The following ANK1 variants were observed in gnomAD, a reference collection of about 807,000 sequenced individuals.
ANK1 encodes the protein ankyrin-1.
A neutral mutation model predicts 210.4 loss-of-function variants in ANK1; 51 were observed. The ratio of observed to expected loss-of-function variants is 0.24; its 90% confidence interval spans 0.19 to 0.31. ANK1 has a LOEUF of 0.31. Among genes scored for constraint, ANK1 ranks in the 10% least tolerant of loss-of-function variants. The pLI, the probability that ANK1 is intolerant of heterozygous loss-of-function variation, is 1.00. For synonymous variants in ANK1, 967 were observed against 1,025.9 expected, an observed-to-expected ratio of 0.94 and a Z score of 1.10; for missense variants, 2,051 against 2,504.4, an observed-to-expected ratio of 0.82 and a Z score of 3.86.
At chr8:41,748,147 A>G (rs946467454) in intron 2 of ANK1, among the ~76,000 whole-genome samples, 1 of 152,172 alleles carries the variant, frequency 6.6e-6, no homozygotes, top group Non-Finnish European at 1.5e-5. Flanking sequence ...ACCTAGCTGC[A>G]TATCTGGTTT....
At position 41,672,860 on chromosome 8, in the gene ANK1, T is replaced by C; in HGVS notation, c.4590A>G (p.Ala1530=). Residue 1530 remains alanine (A), a synonymous_variant, in exon 38 of 43, where the codon GCA becomes GCG. Coordinates refer to ENST00000289734, the MANE Select transcript of ANK1 (RefSeq NM_000037.4). ...GGTCTGCACGTAGCGGAGAGGAAAG[T>C]GCACAGCCCAGGGAGGCAGGGGACA... The part of the protein sequence containing the change: ...ELLSPASLGC[A]LSSPLRADQY... The C allele has an allele frequency of 6.2e-7, 1 of 1,609,940 alleles. No individual in the cohort carries two copies. The highest frequency in any genetic ancestry group is 8.5e-7 in the Non-Finnish European group (1 of 1,179,914).
chr8:41,757,021 A>T (rs1458357950), intron 2 of ANK1, among the ~76,000 whole-genome samples: 2 of 152,342 alleles, frequency 1.3e-5, no homozygotes, highest in East Asian at 1.9e-4. Flanking sequence ...AAGGGTGGCC[A>T]CCAGGGGCTG....
At chr8:41,798,310 A>G (rs969723159), upstream of ANK1, among the ~76,000 whole-genome samples, 5 of 152,106 alleles carry the variant, frequency 3.3e-5, 1 homozygote, top group African/African-American at 1.2e-4. Flanking sequence ...TTAGTGGCCG[A>G]TTTGCAGGGA....
chr8:41,892,037 T>G (rs1226312726), intron 1 of ANK1, among the ~76,000 whole-genome samples: 1 of 152,214 alleles, frequency 6.6e-6, no homozygotes, highest in Non-Finnish European at 1.5e-5. Context: ...GTCGGCAATC[T>G]CTTGGATTGA....
chr8:41,667,367 G>A (rs759459940), intron 39 of ANK1, among the ~76,000 whole-genome samples: 30 of 152,174 alleles, frequency 2.0e-4, no homozygotes, highest in Non-Finnish European at 3.4e-4. Context: ...TGGATGAGGC[G>A]TGAAAACAGA....
At chr8:41,813,972 C>G (rs1802889091) in intron 1 of ANK1, among the ~76,000 whole-genome samples, 1 of 152,210 alleles carries the variant, frequency 6.6e-6, no homozygotes, top group African/African-American at 2.4e-5. Context: ...ACATTCCAGT[C>G]AAAGCATTGG....
At chr8:41,816,429 CAA>C (rs1363069591) in intron 1 of ANK1, among the ~76,000 whole-genome samples, 2 of 152,134 alleles carry the variant, frequency 1.3e-5, no homozygotes, top group Non-Finnish European at 2.9e-5. Flanking sequence ...TTTAATTAAA[CAA>C]ATAATATTCT....
chr8:41,847,249 T>C (rs539843187), intron 1 of ANK1, among the ~76,000 whole-genome samples: 1 of 152,336 alleles, frequency 6.6e-6, no homozygotes, highest in African/African-American at 2.4e-5. Flanking sequence ...CAGGCGGCTG[T>C]TGTCCAAGTG....
chr8:41,894,837 G>C (rs1325206862), intron 1 of ANK1, among the ~76,000 whole-genome samples: 1 of 152,032 alleles, frequency 6.6e-6, no homozygotes, highest in African/African-American at 2.4e-5. Flanking sequence ...CCCCAGCAGA[G>C]GGACCTGCGG....
At chr8:41,799,585 G>C (rs1312398533), upstream of ANK1, among the ~76,000 whole-genome samples, 2 of 152,200 alleles carry the variant, frequency 1.3e-5, no homozygotes, top group Non-Finnish European at 2.9e-5. Context: ...TGTAGGTAGA[G>C]AGTATAATTC....
At chr8:41,793,221 T>C (rs1412040580) in intron 1 of ANK1, among the ~76,000 whole-genome samples, 1 of 151,898 alleles carries the variant, frequency 6.6e-6, no homozygotes, top group Non-Finnish European at 1.5e-5. Context: ...CTACAAAAAA[T>C]ACAAAAATTA....
chr8:41,765,984 A>G (rs1841701996), intron 1 of ANK1, among the ~76,000 whole-genome samples: 2 of 152,202 alleles, frequency 1.3e-5, no homozygotes, highest in South Asian at 4.1e-4. Flanking sequence ...CCCTAGGACA[A>G]ATCATGACTG....
intron 12 of ANK1, 80 bp from the exon 13 acceptor site, chr8:41,717,131 C>T: frequency 6.7e-7 from 1 of 1,499,540 alleles, no homozygotes; most frequent in African/African-American, 1.4e-5. Flanking sequence ...GAAGTGCAGT[C>T]TGGAGTGGCT....
chr8:41,758,380 C>A (rs1315060584), intron 1 of ANK1, among the ~76,000 whole-genome samples: 1 of 152,186 alleles, frequency 6.6e-6, no homozygotes, highest in African/African-American at 2.4e-5. Flanking sequence ...TGTTGCTCTG[C>A]CACTCAGGCT....
intron 4 of ANK1, among the ~76,000 whole-genome samples, chr8:41,727,647 AC>A (rs1831056348): frequency 6.6e-6 from 1 of 152,076 alleles, no homozygotes; most frequent in South Asian, 2.1e-4. Context: ...TTCTCTCTCC[AC>A]CTAGGCTACA....
intron 3 of ANK1, among the ~76,000 whole-genome samples, chr8:41,731,157 CT>C (rs1563597323): frequency 6.6e-6 from 1 of 152,206 alleles, no homozygotes; most frequent in Non-Finnish European, 1.5e-5. Context: ...AAGAAGGCCC[CT>C]GGCCTAAGTT....
In ANK1 at chr8:41,863,517, T is replaced by G. The variant is rs543129327; in HGVS notation, c.126+32838A>C. ...GTGTGTACCTTGGCTGTTGTCTTGC[T>G]AGGCATCTTTGGCATGTAAATATTT... On this transcript the variant is annotated intron_variant, in intron 1 of 42. Transcript: ENST00000265709. 2.5e-4 allele frequency among the ~76,000 whole-genome samples: 38 copies of G among 152,370 alleles called. No homozygotes were observed. The East Asian group carries it at 6.6e-3, about 26-fold the overall frequency.
intron 2 of ANK1, among the ~76,000 whole-genome samples, chr8:41,747,269 CATCACAACCATGGG>C (rs2150694955): frequency 6.6e-6 from 1 of 152,214 alleles, no homozygotes; most frequent in Non-Finnish European, 1.5e-5. Context: ...CCTCTAGTCT[CATCACAACCATGGG>C]ATCTGCTTTC....
intron 2 of ANK1, among the ~76,000 whole-genome samples, chr8:41,748,625 T>C (rs1399645648): frequency 6.6e-6 from 1 of 152,202 alleles, no homozygotes; most frequent in African/African-American, 2.4e-5. Context: ...AACCTTTCTC[T>C]GACTCATTAG....
Sources: gnomAD v4.1 joint callset for allele counts (sites outside exome capture counted in the v4.1 genomes callset) on GRCh38, gnomAD v4.1.1 for gene constraint, MANE v1.5 for transcripts, NCBI Gene and HGNC (gene_info 2026-07-23, HGNC 2026-07-21) for gene names.